SMARCC1: variants seen among roughly 807,000 people sequenced by gnomAD.
SMARCC1 encodes the protein SWI/SNF related BAF chromatin remodeling complex subunit C1, also known as SWI/SNF complex subunit SMARCC1.
SMARCC1 carries 43 observed loss-of-function variants against 147.4 expected under a neutral mutation model. That is an observed-to-expected ratio of 0.29 (90% CI 0.23 to 0.38). The LOEUF (loss-of-function observed/expected upper bound fraction) is 0.38. Among genes scored for constraint, SMARCC1 ranks in the 10% least tolerant of loss-of-function variants. The probability of loss-of-function intolerance (pLI) is 1.00; values close to 1 mark genes in which losing one functional copy is unlikely to be tolerated. For synonymous variants in SMARCC1, 495 were observed against 484.4 expected, an observed-to-expected ratio of 1.02 and a Z score of -0.29; for missense variants, 1,119 against 1,381.1, an observed-to-expected ratio of 0.81 and a Z score of 3.01.
chr3:47,694,707 C>T (rs1392252386), intron 11 of SMARCC1, among the ~76,000 whole-genome samples: 1 of 152,228 alleles, frequency 6.6e-6, no homozygotes, highest in African/African-American at 2.4e-5. Context: ...AACTTTCACA[C>T]TTTTCCATCT....
Position 47,629,216 on chromosome 3 carries a change from G to GA in SMARCC1, c.2646+5973dup, listed in dbSNP as rs530970145. 9.2e-5 allele frequency among the ~76,000 whole-genome samples: 14 copies of GA among 152,222 alleles called. No homozygotes were observed. The East Asian group carries it at 1.7e-3, about 19-fold the overall frequency. On this transcript the variant is annotated intron_variant, in intron 24 of 27. Transcript: ENST00000254480. ...GTCTCACCCCTACTATACTAGTCCA[G>GA]AAAATCTTCAAATTATAGTATCAGC...
At chr3:47,595,804 G>A (rs373285297) in intron 26 of SMARCC1, among the ~76,000 whole-genome samples, 69 of 148,754 alleles carry the variant, frequency 4.6e-4, no homozygotes, top group South Asian at 3.0e-3. Flanking sequence ...GGGCGATCTC[G>A]ACTCACTGCA....
intron 2 of SMARCC1, among the ~76,000 whole-genome samples, chr3:47,757,172 G>C (rs2034708622): frequency 6.6e-6 from 1 of 151,928 alleles, no homozygotes; most frequent in Non-Finnish European, 1.5e-5. Flanking sequence ...GATCCTCTGA[G>C]CCCAGGCGTT....
At chr3:47,774,166 G>T (rs1201741465) in intron 1 of SMARCC1, among the ~76,000 whole-genome samples, 1 of 151,434 alleles carries the variant, frequency 6.6e-6, no homozygotes, top group Non-Finnish European at 1.5e-5. Context: ...TTATGCATAG[G>T]ACAAAGGGCA....
intron 1 of SMARCC1, among the ~76,000 whole-genome samples, chr3:47,774,386 C>A (rs2034950104): frequency 6.6e-6 from 1 of 151,842 alleles, no homozygotes; most frequent in Non-Finnish European, 1.5e-5. Context: ...GGTGACAGAG[C>A]CAGACTCCGT....
intron 2 of SMARCC1, among the ~76,000 whole-genome samples, chr3:47,749,736 CAGAGAGAGAGAG>C (rs71070224): frequency 1.8e-5 from 2 of 110,862 alleles, no homozygotes; most frequent in African/African-American, 3.4e-5. Flanking sequence ...GAGAAAGAGA[CAGAGAGAGAGAG>C]AGAGAGAGAG....
At chr3:47,592,886 T>C (rs1481947791) in intron 26 of SMARCC1, among the ~76,000 whole-genome samples, 1 of 147,940 alleles carries the variant, frequency 6.8e-6, no homozygotes, top group African/African-American at 2.5e-5. Context: ...GTAACACGAT[T>C]TCAGCTCACT....
Position 47,676,788 on chromosome 3 carries a change from G to C in SMARCC1, c.1572-6C>G. The C allele has an allele frequency of 6.2e-7, 1 of 1,611,588 alleles. No individual in the cohort carries two copies. Among genetic ancestry groups the C allele is most frequent in the East Asian group, 2.2e-5 (1 of 44,880 alleles). ...GCTCTAAAAAGGCATGGACCCTAAA[G>C]AATAAAGCTCGGAAAGTTAAAATCT... On this transcript the variant is annotated splice_polypyrimidine_tract_variant and splice_region_variant and intron_variant, in intron 16 of 27. Transcript: ENST00000254480.
intron 24 of SMARCC1, among the ~76,000 whole-genome samples, chr3:47,632,220 G>A (rs1236980161): frequency 6.6e-6 from 1 of 152,096 alleles, no homozygotes; most frequent in African/African-American, 2.4e-5. Flanking sequence ...TGTATACCAG[G>A]CAAATCTTTG....
chr3:47,747,204 C>T (rs534859036), intron 2 of SMARCC1, among the ~76,000 whole-genome samples: 1 of 151,670 alleles, frequency 6.6e-6, no homozygotes, highest in South Asian at 2.1e-4. Context: ...CAGGCCGAAG[C>T]GGGCAGATGG....
intron 26 of SMARCC1, among the ~76,000 whole-genome samples, chr3:47,598,953 G>A (rs2032344071): frequency 6.6e-6 from 1 of 151,772 alleles, no homozygotes; most frequent in Non-Finnish European, 1.5e-5. Context: ...GTGGCCGTAA[G>A]ACAAGGAATG....
rs1347234986 is a variant in SMARCC1, at chr3:47,673,398, G to A, written c.1839+2077C>T. On this transcript the variant is annotated intron_variant, in intron 18 of 27. Transcript: ENST00000254480. ...GAGACTCTGTCTCAAAAAAAAAAGG[G>A]TGGGGGGGGGGCAGGCCAGTGGCTC... Among the ~76,000 whole-genome samples the A allele has an allele frequency of 1.1e-4, 13 of 120,272 alleles. 3 individuals carry two copies. In the South Asian group the frequency reaches 1.8e-3, roughly 17 times the overall value. 78.9% of individuals were successfully genotyped at this position (120,272 alleles called of 152,430 possible).
chr3:47,671,554 C>T (rs1435870087), intron 18 of SMARCC1, among the ~76,000 whole-genome samples: 2 of 152,138 alleles, frequency 1.3e-5, no homozygotes, highest in South Asian at 4.1e-4. Flanking sequence ...ATCACCTTTT[C>T]CATGTGAGTC....
chr3:47,633,500 T>C (rs1413070020), intron 24 of SMARCC1, among the ~76,000 whole-genome samples: 1 of 151,656 alleles, frequency 6.6e-6, no homozygotes, highest in Non-Finnish European at 1.5e-5. Flanking sequence ...TATCAGCACT[T>C]TGGGAGGCTG....
chr3:47,758,575 T>C (rs942833844), intron 2 of SMARCC1, among the ~76,000 whole-genome samples: 1 of 152,116 alleles, frequency 6.6e-6, no homozygotes, highest in African/African-American at 2.4e-5. Context: ...GCCATACTTA[T>C]TATGTACTGC....
chr3:47,626,190 A>G (rs2032806542), intron 24 of SMARCC1, among the ~76,000 whole-genome samples: 1 of 151,632 alleles, frequency 6.6e-6, no homozygotes, highest in Non-Finnish European at 1.5e-5. Context: ...TTTGTCGCCC[A>G]GGCTGGAGTA....
chr3:47,667,092 C>T (rs185104843), intron 19 of SMARCC1, among the ~76,000 whole-genome samples: 116 of 152,096 alleles, frequency 7.6e-4, no homozygotes, highest in African/African-American at 2.7e-3. Context: ...CTGAGGTGGG[C>T]CGATCACGAG....
At chr3:47,745,761 T>C (rs1167765023) in intron 3 of SMARCC1, 147 bp downstream of exon 3, 7 of 491,750 alleles carry the variant, frequency 1.4e-5, no homozygotes, top group South Asian at 8.8e-5. Context: ...GCTTGATATT[T>C]TTCTTGGATG....
rs563785794 is a variant in SMARCC1 at position 47,715,564 on chromosome 3, T to C, written c.717-1074A>G. ...TTTTCCTGCTTCTGCCATTGGTCTC[T>C]TGGTCTCTCAAAGAGTTAATTTTTC... On this transcript the variant is annotated intron_variant, in intron 7 of 27. Coordinates refer to ENST00000254480, the MANE Select transcript of SMARCC1 (RefSeq NM_003074.4). 6.6e-5 allele frequency among the ~76,000 whole-genome samples: 10 copies of C among 152,322 alleles called. No homozygotes were observed. The East Asian group carries it at 1.9e-3, about 29-fold the overall frequency.
Sources: allele counts gnomAD v4.1 joint callset (sites outside exome capture counted in the v4.1 genomes callset), GRCh38; gene constraint gnomAD v4.1.1; transcripts MANE v1.5; gene names NCBI Gene and HGNC (gene_info 2026-07-23, HGNC 2026-07-21).